The following KALRN variants were observed in gnomAD, a reference collection of about 807,000 sequenced individuals.
The protein encoded by KALRN is kalirin RhoGEF kinase.
KALRN carries 70 observed loss-of-function variants against 353.7 expected under a neutral mutation model. The observed-to-expected ratio is 0.20, with a 90% CI of 0.16 to 0.24. The LOEUF is 0.24. KALRN is among the 10% of genes least tolerant of loss of function. The pLI, the probability that KALRN is intolerant of heterozygous loss-of-function variation, is 1.00. For missense variants in KALRN, 2,791 were observed against 3,756.7 expected (o/e 0.74, Z 6.72); for synonymous variants, 1,391 against 1,434.8 (o/e 0.97, Z 0.69).
At chr3:124,187,169 A>T (rs1232776347) in intron 1 of KALRN, among the ~76,000 whole-genome samples, 3 of 152,004 alleles carry the variant, frequency 2.0e-5, no homozygotes, top group African/African-American at 7.3e-5. Flanking sequence ...CAAACTCTTC[A>T]TCCTGGTTTC....
intron 33 of KALRN, chr3:124,518,659 C>T: frequency 6.9e-7 from 1 of 1,445,134 alleles, no homozygotes; most frequent in Non-Finnish European, 9.1e-7. Context: ...CTCGGGGCTC[C>T]CTTCTTCTCT....
Position 124,456,600 on chromosome 3 carries a change from C to T in KALRN, c.3736-10C>T, listed in dbSNP as rs764836271. The stretch of plus-strand genomic sequence containing the variant: ...TCACAAGGTGACCTTTGTGATCCCT[C>T]CATGTGCAGGATAATAAGGACCTGG... On this transcript the variant is annotated splice_polypyrimidine_tract_variant and intron_variant, in intron 22 of 59. Transcript: ENST00000682506. The T allele has an allele frequency of 4.4e-6, 7 of 1,600,742 alleles. No homozygotes were observed. The East Asian group carries it at 1.3e-4, about 31-fold the overall frequency.
intron 10 of KALRN, among the ~76,000 whole-genome samples, chr3:124,356,737 T>C (rs775830883): frequency 2.4e-4 from 37 of 152,198 alleles, no homozygotes; most frequent in South Asian, 4.2e-4. Flanking sequence ...TCGTGCTCTG[T>C]TGGTTTCCTT....
chr3:124,653,567 C>T (rs2083647631), intron 38 of KALRN, among the ~76,000 whole-genome samples: 1 of 152,082 alleles, frequency 6.6e-6, no homozygotes, highest in Admixed American at 6.5e-5. Context: ...GGCCATGCTG[C>T]AATTTTAAAT....
chr3:124,193,661 C>G (rs1178816463), intron 1 of KALRN, among the ~76,000 whole-genome samples: 1 of 151,898 alleles, frequency 6.6e-6, no homozygotes, highest in Non-Finnish European at 1.5e-5. Context: ...AAGAAAGACA[C>G]AAAACTAAAT....
chr3:124,660,746 T>C (rs2084759640), intron 43 of KALRN, among the ~76,000 whole-genome samples, 177 bp from the exon 44 acceptor site: 1 of 151,888 alleles, frequency 6.6e-6, no homozygotes, highest in South Asian at 2.1e-4. Flanking sequence ...GTTCTCTCTA[T>C]GTTATTACAT....
intron 5 of KALRN, among the ~76,000 whole-genome samples, chr3:124,286,130 TCTTTCTTTC>T (rs1278663686): frequency 4.7e-5 from 7 of 149,410 alleles, no homozygotes; most frequent in East Asian, 2.0e-4. Flanking sequence ...TTTCTTTCTT[TCTTTCTTTC>T]CTTTCTTTCT....
intron 58 of KALRN, 34 bp from the exon 59 acceptor site, chr3:124,717,213 C>A: frequency 6.4e-7 from 1 of 1,553,550 alleles, no homozygotes; most frequent in South Asian, 1.2e-5. Context: ...TCATTTCAAA[C>A]ATATTTCCTT....
chr3:124,502,169 A>C (rs1376416077), intron 33 of KALRN, among the ~76,000 whole-genome samples: 1 of 152,236 alleles, frequency 6.6e-6, no homozygotes. Flanking sequence ...AGGACAACTC[A>C]AAGGTCAAAG....
At chr3:124,642,824 T>TTTTTTTTTTTTTTTTTTTTTC (rs2082244117) in intron 37 of KALRN, among the ~76,000 whole-genome samples, 1 of 146,256 alleles carries the variant, frequency 6.8e-6, no homozygotes, top group Non-Finnish European at 1.5e-5. Context: ...TTTTTTTTTT[T>TTTTTTTTTTTTTTTTTTTTTC]TTGAGACGGA....
intron 33 of KALRN, among the ~76,000 whole-genome samples, chr3:124,528,791 G>T (rs1009629193): frequency 2.6e-5 from 4 of 152,164 alleles, no homozygotes; most frequent in African/African-American, 9.7e-5. Context: ...TTCCAACTCA[G>T]GTCTTGTTAT....
rs75005143 is a variant in KALRN at position 124,415,294 on chromosome 3, C to G, written c.2542+1629C>G. Among the ~76,000 whole-genome samples, 225 of 152,350 alleles carry G rather than the reference C, an allele frequency of 1.5e-3. 1 individual carries two copies. Among genetic ancestry groups the G allele is most frequent in the African/African-American group, 5.3e-3 (221 of 41,578 alleles). ...ATGGAACTTGGGCAACAGCAAAAAG[C>G]TCCTCGGGTGATTCAACTGTGTGGC... On this transcript the variant is annotated intron_variant, in intron 14 of 59. Coordinates refer to ENST00000682506, the MANE Select transcript of KALRN (RefSeq NM_001388419.1).
chr3:124,683,962 A>C (rs932628750), intron 51 of KALRN, among the ~76,000 whole-genome samples: 2 of 152,240 alleles, frequency 1.3e-5, no homozygotes, highest in African/African-American at 4.8e-5. Flanking sequence ...TTGTAGTAAA[A>C]TATACATAAC....
chr3:124,616,720 C>T (rs2078638994), intron 34 of KALRN, among the ~76,000 whole-genome samples: 1 of 152,282 alleles, frequency 6.6e-6, no homozygotes, highest in East Asian at 1.9e-4. Context: ...AATCCCAGCA[C>T]TTTGGGAGTC....
At chr3:124,394,588 A>T (rs2089923421) in intron 11 of KALRN, among the ~76,000 whole-genome samples, 1 of 152,226 alleles carries the variant, frequency 6.6e-6, no homozygotes, top group South Asian at 2.1e-4. Flanking sequence ...GATAAGCCAC[A>T]TCTTTAGCAT....
rs201842650 is a variant in KALRN at position 124,387,621 on chromosome 3, AT to A, written c.1962+2595del. ...GGCTAGTAAACAGAGACTTGAATGAATTTTTTTTTTCCATCAGAGAATTCAT... is the reference window on the plus strand; with the variant it reads ...GGCTAGTAAACAGAGACTTGAATGAATTTTTTTTTCCATCAGAGAATTCAT... On this transcript the variant is annotated intron_variant, in intron 11 of 59. Transcript: ENST00000682506. Among the ~76,000 whole-genome samples, 243 of 150,718 alleles carry A rather than the reference AT, an allele frequency of 1.6e-3. 1 individual carries two copies. Among genetic ancestry groups the A allele is most frequent in the African/African-American group, 5.0e-3 (206 of 41,064 alleles).
intron 34 of KALRN, among the ~76,000 whole-genome samples, chr3:124,605,197 C>T (rs965463834): frequency 6.6e-6 from 1 of 151,698 alleles, no homozygotes; most frequent in Admixed American, 6.6e-5. Context: ...CCTCCTGCCT[C>T]GGCCTCCCAA....
At chr3:124,302,944 C>A (rs988371024) in intron 6 of KALRN, among the ~76,000 whole-genome samples, 1 of 152,126 alleles carries the variant, frequency 6.6e-6, no homozygotes, top group Non-Finnish European at 1.5e-5. Flanking sequence ...ACTTAATTAC[C>A]TATTTAAACA....
In KALRN at chr3:124,123,478, A is replaced by G. The variant is rs549099300; in HGVS notation, c.73+89665A>G. ...GTGAGAGAGGGGAGGAAGCTGCAGA[A>G]GAAAAGTTTGAAGCTAGCAGAGGTT... On this transcript the variant is annotated intron_variant, in intron 1 of 59. Transcript: ENST00000682506. Among the ~76,000 whole-genome samples, 14 of 152,346 alleles carry G rather than the reference A, an allele frequency of 9.2e-5. No individual in the cohort carries two copies. The South Asian group carries it at 1.2e-3, about 14-fold the overall frequency.
Sources: allele counts gnomAD v4.1 joint callset (sites outside exome capture counted in the v4.1 genomes callset), GRCh38; gene constraint gnomAD v4.1.1; transcripts MANE v1.5; gene names NCBI Gene and HGNC (gene_info 2026-07-23, HGNC 2026-07-21).